The following CACNB2 variants were observed in gnomAD, a reference collection of about 807,000 sequenced individuals.
CACNB2 encodes the protein calcium voltage-gated channel auxiliary subunit beta 2, also known as voltage-dependent L-type calcium channel subunit beta-2.
CACNB2 carries 42 observed loss-of-function variants against 73.3 expected under a neutral mutation model. The ratio of observed to expected loss-of-function variants is 0.57; its 90% confidence interval spans 0.45 to 0.74. CACNB2 has a LOEUF of 0.74. Among genes scored for constraint, CACNB2 ranks in the 30% least tolerant of loss-of-function variants. The pLI, the probability that CACNB2 is intolerant of heterozygous loss-of-function variation, is 0.00. For missense variants in CACNB2, 940 were observed against 853.0 expected (o/e 1.10, Z -1.27); for synonymous variants, 348 against 310.3 (o/e 1.12, Z -1.28).
chr10:18,469,715 C>T (rs1048501844), intron 3 of CACNB2, among the ~76,000 whole-genome samples: 5 of 152,100 alleles, frequency 3.3e-5, no homozygotes, highest in African/African-American at 1.2e-4. Context: ...TGATAATAAA[C>T]TAAGTTCAAC....
intron 3 of CACNB2, among the ~76,000 whole-genome samples, chr10:18,440,088 A>G (rs1453445875): frequency 1.3e-5 from 2 of 152,300 alleles, no homozygotes; most frequent in African/African-American, 2.4e-5. Context: ...TGTCTGGGGA[A>G]GGTTTGATCT....
intron 6 of CACNB2, among the ~76,000 whole-genome samples, chr10:18,510,089 C>A (rs753762791): frequency 9.9e-5 from 15 of 152,162 alleles, no homozygotes; most frequent in Non-Finnish European, 2.9e-5. Flanking sequence ...AAAGTGACCA[C>A]ATGTTTCAGA....
chr10:18,265,639 A>T (rs1477999237), intron 2 of CACNB2, among the ~76,000 whole-genome samples: 1 of 152,190 alleles, frequency 6.6e-6, no homozygotes, highest in Non-Finnish European at 1.5e-5. Flanking sequence ...TTGAATTTTG[A>T]TATAATCATT....
At chr10:18,177,999 G>T (rs561374468) in intron 2 of CACNB2, among the ~76,000 whole-genome samples, 1 of 152,196 alleles carries the variant, frequency 6.6e-6, no homozygotes, top group East Asian at 1.9e-4. Flanking sequence ...CCATCCACTG[G>T]CACAGTGACC....
At chr10:18,496,638 CG>C (rs201586130) in intron 3 of CACNB2, among the ~76,000 whole-genome samples, 1,630 of 151,742 alleles carry the variant, frequency 0.011, 31 homozygotes, top group African/African-American at 0.036. Flanking sequence ...TATGGTGAAA[CG>C]CCATCTCTAC....
intron 3 of CACNB2, among the ~76,000 whole-genome samples, chr10:18,495,627 G>C (rs1317747099): frequency 1.3e-5 from 2 of 149,460 alleles, no homozygotes; most frequent in African/African-American, 2.5e-5. Context: ...TGCCCAGGCT[G>C]GTCTCAAACT....
intron 2 of CACNB2, among the ~76,000 whole-genome samples, chr10:18,329,613 T>C (rs1003236315): frequency 6.6e-6 from 1 of 151,804 alleles, no homozygotes; most frequent in African/African-American, 2.4e-5. Context: ...TTGCACTAAG[T>C]GTGCGTTTAG....
Position 18,153,113 on chromosome 10 carries a change from T to C in CACNB2, c.213+2138T>C, listed in dbSNP as rs1297335711. On this transcript the variant is annotated intron_variant, in intron 2 of 13. Transcript: ENST00000324631. ...ATGTATGTAGCTTTAAACACCATTA[T>C]AAGTGATAACAAGAGTTGTTAAATG... Among the ~76,000 whole-genome samples, 4 of 152,230 alleles carry C rather than the reference T, an allele frequency of 2.6e-5. No homozygotes were observed. In the East Asian group the frequency reaches 5.8e-4, roughly 22 times the overall value.
At chr10:18,511,119 C>T (rs1342152089) in intron 6 of CACNB2, among the ~76,000 whole-genome samples, 1 of 151,328 alleles carries the variant, frequency 6.6e-6, no homozygotes, top group Non-Finnish European at 1.5e-5. Context: ...CTCTACATAC[C>T]ACATGTTAAA....
At chr10:18,194,502 C>T (rs139373804) in intron 2 of CACNB2, among the ~76,000 whole-genome samples, 3 of 152,258 alleles carry the variant, frequency 2.0e-5, no homozygotes, top group East Asian at 1.9e-4. Flanking sequence ...TTATCAGGTA[C>T]CCCATGGGCT....
At chr10:18,302,362 A>C (rs1025729365) in intron 2 of CACNB2, among the ~76,000 whole-genome samples, 4 of 152,204 alleles carry the variant, frequency 2.6e-5, no homozygotes, top group African/African-American at 9.6e-5. Context: ...GCCTGTATTT[A>C]AATGTGAATG....
chr10:18,432,645 G>T (rs2045945204), intron 3 of CACNB2, among the ~76,000 whole-genome samples: 1 of 152,092 alleles, frequency 6.6e-6, no homozygotes, highest in Admixed American at 6.6e-5. Context: ...ACCAGCCTGG[G>T]CAACATGGTA....
intron 3 of CACNB2, among the ~76,000 whole-genome samples, chr10:18,486,009 T>C (rs11814004): frequency 0.059 from 8,947 of 151,964 alleles, 829 homozygotes; most frequent in African/African-American, 0.2. Flanking sequence ...AAACTATGAA[T>C]TTTCCTTTTA....
intron 2 of CACNB2, chr10:18,261,976 TAC>T: frequency 1.9e-6 from 1 of 518,992 alleles, no homozygotes; most frequent in Non-Finnish European, 3.8e-6. Context: ...TGCTGTGCCT[TAC>T]ACTAGCCGAC....
At chr10:18,440,622 C>T (rs969019281) in intron 3 of CACNB2, among the ~76,000 whole-genome samples, 6 of 152,058 alleles carry the variant, frequency 3.9e-5, no homozygotes, top group African/African-American at 7.3e-5. Flanking sequence ...GCCTGGGTGA[C>T]AGAGCAAGGC....
chr10:18,478,515 G>T (rs371850890), intron 3 of CACNB2, among the ~76,000 whole-genome samples: 6 of 152,200 alleles, frequency 3.9e-5, no homozygotes, highest in Admixed American at 6.5e-5. Flanking sequence ...AGCTGCTGCT[G>T]TAAGGGCCAA....
intron 2 of CACNB2, among the ~76,000 whole-genome samples, chr10:18,375,224 T>C (rs1408969961): frequency 6.6e-6 from 1 of 152,026 alleles, no homozygotes; most frequent in East Asian, 1.9e-4. Flanking sequence ...AAATAAAAAA[T>C]AATTGGGAGG....
At chr10:18,284,741 T>G (rs1459115585) in intron 2 of CACNB2, among the ~76,000 whole-genome samples, 1 of 152,198 alleles carries the variant, frequency 6.6e-6, no homozygotes, top group Non-Finnish European at 1.5e-5. Flanking sequence ...AGATTATTTT[T>G]GGGGAACTGC....
intron 2 of CACNB2, among the ~76,000 whole-genome samples, chr10:18,229,903 T>A (rs572410221): frequency 1.3e-5 from 2 of 152,318 alleles, no homozygotes; most frequent in South Asian, 4.1e-4. Context: ...GAAACTGGAA[T>A]ATGCCATGCA....
Sources: allele counts gnomAD v4.1 joint callset (sites outside exome capture counted in the v4.1 genomes callset), GRCh38; gene constraint gnomAD v4.1.1; transcripts MANE v1.5; gene names NCBI Gene and HGNC (gene_info 2026-07-23, HGNC 2026-07-21).